The following DHX57 variants were observed in gnomAD, a reference collection of about 807,000 sequenced individuals.
DHX57 encodes putative ATP-dependent RNA helicase DHX57.
Under a neutral mutation model 156.2 loss-of-function variants are expected in DHX57, and 105 were observed. The observed-to-expected ratio is 0.67, with a 90% CI of 0.57 to 0.79. The LOEUF (loss-of-function observed/expected upper bound fraction) is 0.79, where lower values mean the gene tolerates loss of function less well. Among genes scored for constraint, DHX57 ranks in the 30% least tolerant of loss-of-function variants. DHX57 has a pLI of 0.00. For synonymous variants in DHX57, 704 were observed against 595.6 expected, an observed-to-expected ratio of 1.18 and a Z score of -2.65; for missense variants, 1,847 against 1,661.9, an observed-to-expected ratio of 1.11 and a Z score of -1.94.
intron 14 of DHX57, among the ~76,000 whole-genome samples, chr2:38,827,802 A>G (rs1247989393): frequency 4.0e-5 from 6 of 151,694 alleles, no homozygotes; most frequent in East Asian, 3.9e-4. Context: ...TTCCCCCACT[A>G]TCTGGGGCTC....
At chr2:38,875,186 T>C (rs1181184004) in intron 1 of DHX57, among the ~76,000 whole-genome samples, 1 of 152,196 alleles carries the variant, frequency 6.6e-6, no homozygotes, top group Non-Finnish European at 1.5e-5. Flanking sequence ...GGTTGTATAA[T>C]CCACGTGGTT....
chr2:38,858,868 T>A, intron 5 of DHX57, 32 bp from the exon 6 acceptor site: 1 of 1,580,650 alleles, frequency 6.3e-7, no homozygotes, highest in South Asian at 1.2e-5. Context: ...CATTTCAGTA[T>A]GGAGCCCTTT....
rs1005374221 is a variant in DHX57, at chr2:38,827,874, G to A, written c.2639+466C>T. ...TATGCTAAGTGAAGAGAATTTTTTT[G>A]AAACGGAGTTTCACTCTTGTTGCCC... On this transcript the variant is annotated intron_variant, in intron 14 of 23. Coordinates refer to ENST00000457308, the MANE Select transcript of DHX57 (RefSeq NM_198963.3). Among the ~76,000 whole-genome samples the A allele has an allele frequency of 2.6e-5, 4 of 151,940 alleles. No homozygotes were observed. In the South Asian group the frequency reaches 8.3e-4, roughly 32 times the overall value.
At chr2:38,874,840 G>A (rs1214709225) in intron 1 of DHX57, among the ~76,000 whole-genome samples, 7 of 152,100 alleles carry the variant, frequency 4.6e-5, no homozygotes, top group East Asian at 1.9e-4. Context: ...AATCTTAACA[G>A]GCAAGAAAAA....
chr2:38,840,384 ATT>A (rs752426209), intron 12 of DHX57, among the ~76,000 whole-genome samples: 7 of 142,910 alleles, frequency 4.9e-5, no homozygotes, highest in Admixed American at 7.0e-5. Flanking sequence ...AATTCAAGGC[ATT>A]TTTTTTTTTT....
chr2:38,837,739 G>A lies in DHX57; in HGVS notation c.2542+92C>T, dbSNP rs78823327. The A allele has an allele frequency of 4.0e-3, 3,110 of 770,744 alleles. 56 individuals carry two copies. The African/African-American group carries it at 0.046, about 11-fold the overall frequency. 47.7% of individuals were successfully genotyped at this position (770,744 alleles called of 1,614,324 possible). A position where few individuals can be genotyped will look rare whatever the true frequency, so the allele number is the denominator to read the frequency against. ...GCCTTGTAGCCTGTGTGCAGAGTCT[G>A]CATGTAATTCAAGCACTCATGAATA... is the stretch of plus-strand genomic sequence containing the variant. On this transcript the variant is annotated intron_variant, in intron 13 of 23. Transcript: ENST00000457308.
At chr2:38,856,233 A>G (rs1352062801) in intron 7 of DHX57, 107 bp downstream of exon 7, 3 of 1,459,714 alleles carry the variant, frequency 2.1e-6, no homozygotes, top group African/African-American at 2.9e-5. Flanking sequence ...TGTATATAAT[A>G]TCTATAAATC....
chr2:38,860,115 A>T (rs1449938064), intron 5 of DHX57, among the ~76,000 whole-genome samples: 1 of 150,238 alleles, frequency 6.7e-6, no homozygotes, highest in East Asian at 2.1e-4. Flanking sequence ...CACCACACCC[A>T]GCAGAGAATT....
At position 38,800,885 on chromosome 2, in the gene DHX57, T is replaced by C. The variant is rs566198502; in HGVS notation, c.4017+1830A>G. 2.6e-5 allele frequency among the ~76,000 whole-genome samples: 4 copies of C among 152,250 alleles called. 1 individual carries two copies. The highest frequency in any genetic ancestry group is 2.0e-4 in the Admixed American group (3 of 15,278). ...TATATGAAATGTGGCCAGCCCAAAC[T>C]GAGATGTGCTGCGAATATAAAATAT... On this transcript the variant is annotated intron_variant, in intron 23 of 23. Transcript: ENST00000457308.
intron 10 of DHX57, among the ~76,000 whole-genome samples, chr2:38,847,623 C>T (rs924280406): frequency 1.3e-5 from 2 of 152,110 alleles, no homozygotes; most frequent in African/African-American, 4.8e-5. Context: ...CAGAGTGGAC[C>T]AACACCCAGA....
chr2:38,815,389 A>G (rs1670484131), intron 20 of DHX57, 132 bp downstream of exon 20: 2 of 1,198,660 alleles, frequency 1.7e-6, no homozygotes, highest in East Asian at 2.3e-5. Flanking sequence ...TGTGCGAAGC[A>G]GAAAATCAAG....
At chr2:38,858,126 A>G (rs1407868057) in intron 6 of DHX57, among the ~76,000 whole-genome samples, 3 of 152,162 alleles carry the variant, frequency 2.0e-5, no homozygotes, top group African/African-American at 7.2e-5. Context: ...CAGTGGTGCA[A>G]TCATGGCTCA....
At chr2:38,812,609 C>A (rs987897189) in intron 21 of DHX57, among the ~76,000 whole-genome samples, 46 of 152,344 alleles carry the variant, frequency 3.0e-4, no homozygotes, top group African/African-American at 1.1e-3. Context: ...TCTCGCCTCA[C>A]CACAACCTCT....
chr2:38,853,821 C>A, intron 9 of DHX57: 1 of 328,878 alleles, frequency 3.0e-6, no homozygotes, highest in Non-Finnish European at 5.7e-6. Flanking sequence ...TGAAGTATAC[C>A]TTCTAACCTA....
At chr2:38,821,591 G>C (rs781633831) in intron 17 of DHX57, among the ~76,000 whole-genome samples, 1 of 152,140 alleles carries the variant, frequency 6.6e-6, no homozygotes, top group African/African-American at 2.4e-5. Flanking sequence ...TACTCGGGAG[G>C]CTGAGGCAGG....
intron 17 of DHX57, among the ~76,000 whole-genome samples, chr2:38,822,752 C>G (rs569703208): frequency 1.1e-4 from 17 of 152,260 alleles, no homozygotes; most frequent in African/African-American, 3.8e-4. Context: ...GAGGGTGGAT[C>G]TCTTTGAGGA....
In DHX57 at chr2:38,867,564, A is replaced by T. The variant is rs140608503; in HGVS notation, c.224+618T>A. Among the ~76,000 whole-genome samples the T allele has an allele frequency of 1.9e-3, 296 of 152,168 alleles. 1 individual carries two copies. Among genetic ancestry groups the T allele is most frequent in the African/African-American group, 6.4e-3 (264 of 41,542 alleles). Reference sequence around the variant, plus strand: ...GTCATGTTGCACTTTAGGCTGTTCAATGTTTGTTTTTTGAGATGGAGTCTC... The same window carrying T: ...GTCATGTTGCACTTTAGGCTGTTCATTGTTTGTTTTTTGAGATGGAGTCTC... On this transcript the variant is annotated intron_variant, in intron 2 of 23. Transcript: ENST00000457308.
In DHX57 at chr2:38,802,889, C is replaced by A; in HGVS notation, c.3843G>T (p.Leu1281=). 2.5e-6 allele frequency: 4 copies of A among 1,614,140 alleles called. No homozygotes were observed. The highest frequency in any genetic ancestry group is 3.4e-6 in the Non-Finnish European group (4 of 1,180,030). The change falls in exon 23 of 24, where the codon CTG becomes CTT. Residue 1281 remains leucine (L), a synonymous_variant. Coordinates refer to ENST00000457308, the MANE Select transcript of DHX57 (RefSeq NM_198963.3). ...YQVRHFDSPY[L]LYHEKIKTSR... is the part of the protein sequence containing the mutation. ...TAGTTTTTATCTTCTCGTGGTACAA[C>A]AGGTAGGGGCTGTCAAAGTGTCTCA...
chr2:38,848,896 G>T (rs1210346078), intron 9 of DHX57, among the ~76,000 whole-genome samples: 1 of 152,146 alleles, frequency 6.6e-6, no homozygotes, highest in Non-Finnish European at 1.5e-5. Flanking sequence ...GATTATTTCT[G>T]ATTTTTGGAT....
Sources: gnomAD v4.1 joint callset for allele counts (sites outside exome capture counted in the v4.1 genomes callset) on GRCh38, gnomAD v4.1.1 for gene constraint, MANE v1.5 for transcripts, NCBI Gene and HGNC (gene_info 2026-07-23, HGNC 2026-07-21) for gene names.